The following BMP1 variants were observed in gnomAD, a reference collection of about 807,000 sequenced individuals.
The protein encoded by BMP1 is mammalian tolloid protein.
BMP1 carries 63 observed loss-of-function variants against 116.8 expected under a neutral mutation model. The observed-to-expected ratio is 0.54, with a 90% CI of 0.44 to 0.67. The LOEUF is 0.67. Among genes scored for constraint, BMP1 ranks in the 30% least tolerant of loss-of-function variants. The probability of loss-of-function intolerance (pLI) is 0.00; values close to 1 mark genes in which losing one functional copy is unlikely to be tolerated. For missense variants in BMP1, 1,183 were observed against 1,358.9 expected (o/e 0.87, Z 2.04); for synonymous variants, 536 against 533.4 (o/e 1.00, Z -0.07).
At chr8:22,183,923 C>T (rs779281238) in intron 8 of BMP1, among the ~76,000 whole-genome samples, 1 of 152,172 alleles carries the variant, frequency 6.6e-6, no homozygotes, top group Non-Finnish European at 1.5e-5. Flanking sequence ...CGTACAGCAA[C>T]ACTATGGGCC....
At chr8:22,198,625 T>C (rs981746191) in intron 15 of BMP1, 13 of 157,350 alleles carry the variant, frequency 8.3e-5, no homozygotes, top group African/African-American at 3.1e-4. Flanking sequence ...GGACAGGGGA[T>C]AGGCAGGAAG....
intron 15 of BMP1, chr8:22,201,402 C>T (rs1363151604): frequency 1.4e-6 from 2 of 1,443,292 alleles, no homozygotes; most frequent in Non-Finnish European, 9.0e-7. Flanking sequence ...TGCCCTACCC[C>T]CTCCCATTTT....
chr8:22,176,986 G>A lies in BMP1; in HGVS notation c.577G>A (p.Gly193Ser), dbSNP rs1828459001. 1 of 1,612,058 alleles carries A rather than the reference G, an allele frequency of 6.2e-7. No homozygotes were observed. The highest frequency in any genetic ancestry group is 8.5e-7 in the Non-Finnish European group (1 of 1,179,276). The change falls in exon 5 of 20, where the codon GGC becomes AGC. Residue 193 changes from glycine (G) to serine (S), a missense_variant. Gly to Ser is a moderately conservative substitution (Grantham distance 56, BLOSUM62 0). Coordinates refer to ENST00000306385, the MANE Select transcript of BMP1 (RefSeq NM_006129.5). ...CGCCSYVGRR[G>S]GGPQAISIGK... ...GTGCTGCTCCTACGTGGGTCGCCGC[G>A]GCGGGGGCCCCCAGGCCATCTCCAT...
At position 22,212,056 on chromosome 8, in the gene BMP1, T is replaced by C. The variant is rs113594473; in HGVS notation, c.*328T>C. 1.5e-3 allele frequency: 559 copies of C among 382,728 alleles called. 6 individuals are homozygous for C. The highest frequency in any genetic ancestry group is 0.01 in the African/African-American group (494 of 49,378). 23.7% of individuals were successfully genotyped at this position (382,728 alleles called of 1,614,324 possible). ...GACCCCATCGCCATCCCTGTGTCTC[T>C]ACACGCTGTATTGTGTATCACCGGG... On this transcript the variant is annotated 3_prime_UTR_variant, in exon 20 of 20. Transcript: ENST00000306385.
intron 8 of BMP1, 145 bp from the exon 9 acceptor site, chr8:22,191,904 T>C: frequency 1.6e-6 from 1 of 630,148 alleles, no homozygotes; most frequent in Non-Finnish European, 2.8e-6. Flanking sequence ...GGCGGTTCTG[T>C]GCCAGGAGCT....
chr8:22,171,020 C>G (rs766893306), intron 1 of BMP1: 3 of 152,200 alleles, frequency 2.0e-5, no homozygotes, highest in Non-Finnish European at 2.9e-5. Flanking sequence ...GAGTATGAAC[C>G]CACTGCTTCT....
At chr8:22,174,629 T>TTC (rs1828379634) in intron 2 of BMP1, among the ~76,000 whole-genome samples, 2 of 120,542 alleles carry the variant, frequency 1.7e-5, no homozygotes, top group Non-Finnish European at 3.6e-5. Flanking sequence ...TTTTCTGTCT[T>TTC]TTTTTTTTTT....
rs3892579 is a variant in BMP1, at chr8:22,209,428, C to A, written c.2576-17C>A. On this transcript the variant is annotated splice_polypyrimidine_tract_variant and intron_variant, in intron 18 of 19. Transcript: ENST00000306385. ...CTGCGGTGCTCAGGGCTGGTTGGCC[C>A]CTCTTGTCCCCTACAGAGTGCGGGG... The A allele has an allele frequency of 0.081, 130,703 of 1,612,010 alleles. 12,886 individuals are homozygous for A. Among genetic ancestry groups the A allele is most frequent in the African/African-American group, 0.49 (36,420 of 74,880 alleles).
chr8:22,176,827 G>T, intron 4 of BMP1, 134 bp from the exon 5 acceptor site: 1 of 967,240 alleles, frequency 1.0e-6, no homozygotes, highest in South Asian at 1.6e-5. Flanking sequence ...CACACAGCCT[G>T]GGCACTCGGT....
At chr8:22,191,443 T>A (rs1828928332) in intron 8 of BMP1, among the ~76,000 whole-genome samples, 1 of 152,088 alleles carries the variant, frequency 6.6e-6, no homozygotes, top group Non-Finnish European at 1.5e-5. Flanking sequence ...CAGTACTCAA[T>A]AAATGATGAT....
At chr8:22,181,739 G>A (rs527248075) in intron 8 of BMP1, among the ~76,000 whole-genome samples, 3 of 152,102 alleles carry the variant, frequency 2.0e-5, no homozygotes, top group East Asian at 1.9e-4. Context: ...ATTTTTGGTC[G>A]AGACAGGGTT....
intron 8 of BMP1, among the ~76,000 whole-genome samples, chr8:22,183,890 A>C (rs1828695619): frequency 6.6e-6 from 1 of 152,098 alleles, no homozygotes; most frequent in Admixed American, 6.5e-5. Flanking sequence ...TAAATTCTTT[A>C]TGTGTGTTAT....
intron 16 of BMP1, 147 bp from the exon 17 acceptor site, chr8:22,206,707 A>G: frequency 8.1e-7 from 1 of 1,242,028 alleles, no homozygotes; most frequent in Non-Finnish European, 1.1e-6. Flanking sequence ...CTCATGAAAA[A>G]GAAACGATGC....
In BMP1 at chr8:22,194,327, G is replaced by A; in HGVS notation, c.1298-118G>A. On this transcript the variant is annotated intron_variant, in intron 10 of 19. Transcript: ENST00000306385. The surrounding 1 kb of genome is among the most constrained non-coding windows in gnomAD (Gnocchi z 4.5). ...GATTGCCTGGGACTGGGGGTTTGGT[G>A]GGGAACTGAAAAGCTGGGGGACATG... 2.0e-6 allele frequency: 3 copies of A among 1,481,404 alleles called. No homozygotes were observed. Among genetic ancestry groups the A allele is most frequent in the South Asian group, 2.5e-5 (2 of 79,924 alleles). The allele number at this position is 1,481,404 out of a possible 1,614,324, so 91.8% of individuals were successfully genotyped here.
intron 8 of BMP1, among the ~76,000 whole-genome samples, chr8:22,189,329 C>T (rs1370284623): frequency 3.3e-5 from 5 of 151,826 alleles, no homozygotes; most frequent in Non-Finnish European, 4.4e-5. Context: ...GGTCGCCGTT[C>T]CATGCCAGCA....
chr8:22,177,751 A>G, intron 5 of BMP1, 101 bp from the exon 6 acceptor site: 1 of 928,692 alleles, frequency 1.1e-6, no homozygotes, highest in South Asian at 1.4e-5. Context: ...ACTCTCTCAG[A>G]TACAGGAAGG....
chr8:22,178,197 G>A (rs1828509593), intron 6 of BMP1, among the ~76,000 whole-genome samples: 1 of 152,270 alleles, frequency 6.6e-6, no homozygotes, highest in South Asian at 2.1e-4. Context: ...GGCGGAGGAG[G>A]CTGAACCCAG....
chr8:22,176,833 T>TC, intron 4 of BMP1, 128 bp from the exon 5 acceptor site: 1 of 972,686 alleles, frequency 1.0e-6, no homozygotes, highest in Non-Finnish European at 1.5e-6. Flanking sequence ...GCCTGGGCAC[T>TC]CGGTGCTCAG....
intron 1 of BMP1, among the ~76,000 whole-genome samples, chr8:22,166,115 T>A (rs1391343173): frequency 6.6e-6 from 1 of 151,988 alleles, no homozygotes; most frequent in Admixed American, 6.6e-5. Flanking sequence ...CCTGAGATCG[T>A]GCTCTCTGGG....
Sources: allele counts gnomAD v4.1 joint callset (sites outside exome capture counted in the v4.1 genomes callset), GRCh38; gene constraint gnomAD v4.1.1; non-coding constraint Gnocchi (gnomAD v3.1); transcripts MANE v1.5; gene names NCBI Gene and HGNC (gene_info 2026-07-23, HGNC 2026-07-21).